HACD3: variants seen among roughly 807,000 people sequenced by gnomAD.
The protein encoded by HACD3 is 3-hydroxyacyl-CoA dehydratase 3.
In HACD3, 30 loss-of-function variants were observed where a neutral mutation model predicts 55.2. The observed-to-expected ratio is 0.54, with a 90% CI of 0.41 to 0.74. The LOEUF is 0.74. HACD3 is among the 30% of genes least tolerant of loss of function. The pLI is 0.00. For missense variants in HACD3, 363 were observed against 440.1 expected, an observed-to-expected ratio of 0.82 and a Z score of 1.57; for synonymous variants, 141 against 151.7, an observed-to-expected ratio of 0.93 and a Z score of 0.52.
Position 65,572,279 on chromosome 15 carries a change from C to G in HACD3, c.925C>G (p.Arg309Gly). The G allele has an allele frequency of 5.6e-6, 9 of 1,613,394 alleles. No homozygotes were observed. Among genetic ancestry groups the G allele is most frequent in the Non-Finnish European group, 7.6e-6 (9 of 1,179,774 alleles). The change falls in exon 10 of 11, where the codon CGA (arginine) becomes GGA (glycine). Residue 309 changes from arginine to glycine, a missense_variant. Coordinates refer to ENST00000261875, the MANE Select transcript of HACD3 (RefSeq NM_016395.4). The part of the protein sequence containing the change: ...QSIPIFNETG[R>G]FSFTLPYPVK... ...CATTCCAATATTCAATGAGACCGGA[C>G]GATTCAGTTTCACATTGCCATATCC...
chr15:65,534,317 A>G (rs546724659), intron 1 of HACD3: 1 of 152,252 alleles, frequency 6.6e-6, no homozygotes. Context: ...CTGTCCAGTC[A>G]TCACATCTCT....
Position 65,572,237 on chromosome 15 carries a change from G to C in HACD3, c.883G>C (p.Val295Leu). Residue 295 changes from valine (V) to leucine (L), a missense_variant and splice_region_variant, in exon 10 of 11, where the codon GTC (valine) becomes CTC (leucine). Coordinates refer to ENST00000261875, the MANE Select transcript of HACD3 (RefSeq NM_016395.4). ...LYPLGCLAEAVSVIQSIPIFN... is the reference protein window; with the variant it reads ...LYPLGCLAEALSVIQSIPIFN... Reference sequence around the variant, plus strand: ...CAAGTTCTTGTTTCTGTTTTCAGCTGTCTCAGTGATTCAGTCCATTCCAAT... The same window carrying C: ...CAAGTTCTTGTTTCTGTTTTCAGCTCTCTCAGTGATTCAGTCCATTCCAAT... The C allele has an allele frequency of 6.2e-7, 1 of 1,611,890 alleles. No homozygotes were observed. The highest frequency in any genetic ancestry group is 8.5e-7 in the Non-Finnish European group (1 of 1,179,524).
chr15:65,546,141 G>A (rs985757293), intron 1 of HACD3, among the ~76,000 whole-genome samples: 1 of 152,168 alleles, frequency 6.6e-6, no homozygotes, highest in Non-Finnish European at 1.5e-5. Flanking sequence ...ATATACTATA[G>A]CCCCAGCCAA....
intron 1 of HACD3, among the ~76,000 whole-genome samples, chr15:65,534,931 A>G (rs2071940020): frequency 6.6e-6 from 1 of 152,242 alleles, no homozygotes. Context: ...TCACAGAGCA[A>G]TGGAAGAATA....
At chr15:65,567,534 A>G (rs1241437342) in intron 7 of HACD3, among the ~76,000 whole-genome samples, 1 of 152,208 alleles carries the variant, frequency 6.6e-6, no homozygotes, top group Non-Finnish European at 1.5e-5. Context: ...TCCAATCACA[A>G]TCTAAAAAAT....
intron 1 of HACD3, among the ~76,000 whole-genome samples, chr15:65,534,153 A>G (rs754681174): frequency 6.6e-6 from 1 of 152,092 alleles, no homozygotes; most frequent in Non-Finnish European, 1.5e-5. Flanking sequence ...ACTCTTGTCT[A>G]TCATTAAGCT....
intron 8 of HACD3, 106 bp downstream of exon 8, chr15:65,570,309 T>C: frequency 1.3e-6 from 1 of 794,460 alleles, no homozygotes. Flanking sequence ...GGTTTGGGAC[T>C]AAGATTACAT....
intron 7 of HACD3, among the ~76,000 whole-genome samples, chr15:65,568,366 AT>A (rs869235514): frequency 8.4e-4 from 120 of 143,654 alleles, no homozygotes; most frequent in East Asian, 3.5e-3. Context: ...TGTTATGTGT[AT>A]TTTTTTTTTT....
chr15:65,537,747 C>T (rs1204301526), intron 1 of HACD3, among the ~76,000 whole-genome samples: 36 of 138,270 alleles, frequency 2.6e-4, no homozygotes, highest in Non-Finnish European at 2.9e-4. Flanking sequence ...GAGCTGAGAT[C>T]GCACCACTGC....
intron 1 of HACD3, among the ~76,000 whole-genome samples, chr15:65,536,961 A>G (rs2071960980): frequency 6.6e-6 from 1 of 152,254 alleles, no homozygotes; most frequent in Non-Finnish European, 1.5e-5. Flanking sequence ...TAAAAGTGCT[A>G]TTCCAGTGAA....
In HACD3 at chr15:65,530,658, T is replaced by C; in HGVS notation, c.27T>C (p.His9=). Residue 9 remains histidine (H), a synonymous_variant, in exon 1 of 11, where the codon CAT becomes CAC. Transcript: ENST00000261875. ...TGGAGAATCAGGTGTTGACGCCGCA[T>C]GTCTACTGGGCTCAGCGACACCGCG... The part of the protein sequence containing the change: MENQVLTP[H]VYWAQRHREL... 1.3e-6 allele frequency: 2 copies of C among 1,582,530 alleles called. No homozygotes were observed. The highest frequency in any genetic ancestry group is 1.7e-6 in the Non-Finnish European group (2 of 1,165,328).
chr15:65,556,901 A>G lies in HACD3; in HGVS notation c.367A>G (p.Lys123Glu). The G allele has an allele frequency of 6.2e-7, 1 of 1,610,052 alleles. No homozygotes were observed. Among genetic ancestry groups the G allele is most frequent in the Non-Finnish European group, 8.5e-7 (1 of 1,177,922 alleles). ...TGATGCGGAAATGGAGCTCAGAGCT[A>G]AGGTTAGTAAGGATCCTAGGATCTA... The part of the protein sequence containing the change: ...ESDAEMELRA[K>E]EEERLNKLRL... The change falls in exon 4 of 11, where the codon AAG becomes GAG. Residue 123 changes from lysine (K) to glutamate (E), a missense_variant and splice_region_variant. Coordinates refer to ENST00000261875, the MANE Select transcript of HACD3 (RefSeq NM_016395.4).
chr15:65,563,044 C>T (rs1371586224), intron 6 of HACD3, among the ~76,000 whole-genome samples, 160 bp downstream of exon 6: 4 of 152,060 alleles, frequency 2.6e-5, no homozygotes, highest in Admixed American at 6.6e-5. Flanking sequence ...TTTCCCATGG[C>T]CTTGTGAAAT....
At chr15:65,543,147 CA>C (rs1477520019) in intron 1 of HACD3, among the ~76,000 whole-genome samples, 1 of 151,124 alleles carries the variant, frequency 6.6e-6, no homozygotes. Flanking sequence ...AACTGTGTAT[CA>C]AATTGATGAC....
At chr15:65,565,814 C>CA (rs2072285143) in intron 7 of HACD3, 1 of 151,776 alleles carries the variant, frequency 6.6e-6, no homozygotes, top group Non-Finnish European at 1.5e-5. Context: ...AGGTTCTCCT[C>CA]AAAAAATGGG....
chr15:65,535,817 T>C, intron 1 of HACD3: 1 of 637,666 alleles, frequency 1.6e-6, no homozygotes, highest in South Asian at 1.7e-5. Flanking sequence ...TGGCTCAGCC[T>C]ACCAAGTAGG....
rs2072256325 is a variant in HACD3, at chr15:65,562,786, TAAGGA to T, written c.440_444del (p.Lys147IlefsTer6). 6.2e-7 allele frequency: 1 copy of T among 1,613,848 alleles called. No homozygotes were observed. Among genetic ancestry groups the T allele is most frequent in the East Asian group, 2.2e-5 (1 of 44,862 alleles). On this transcript the variant is annotated frameshift_variant, in exon 6 of 11. Transcript: ENST00000261875. LOFTEE classifies it high-confidence loss of function. ...CTTTGCTTTACAGCTCTTACAAACT[TAAGGA>T]AAGGATACCTGTTTATGTATAATCT...
intron 6 of HACD3, 94 bp from the exon 7 acceptor site, chr15:65,564,121 C>A: frequency 7.1e-7 from 1 of 1,416,994 alleles, no homozygotes; most frequent in Admixed American, 1.9e-5. Flanking sequence ...TCCTTTCTTA[C>A]AGTTATTTTC....
chr15:65,563,085 G>A (rs574471848), intron 6 of HACD3, among the ~76,000 whole-genome samples: 5 of 152,144 alleles, frequency 3.3e-5, no homozygotes, highest in East Asian at 1.9e-4. Flanking sequence ...CATATAACAG[G>A]TAATAAAATA....
Sources: gnomAD v4.1 joint callset for allele counts (sites outside exome capture counted in the v4.1 genomes callset) on GRCh38, gnomAD v4.1.1 for gene constraint, MANE v1.5 for transcripts, NCBI Gene and HGNC (gene_info 2026-07-23, HGNC 2026-07-21) for gene names.